ACSF2: variants seen among roughly 807,000 people sequenced by gnomAD.
The protein encoded by ACSF2 is medium-chain acyl-CoA ligase ACSF2, mitochondrial.
A neutral mutation model predicts 79.3 loss-of-function variants in ACSF2; 52 were observed. The ratio of observed to expected loss-of-function variants is 0.66; its 90% CI spans 0.53 to 0.83. The LOEUF (loss-of-function observed/expected upper bound fraction) is 0.83. ACSF2 is among the 40% of genes least tolerant of loss of function. ACSF2 has a pLI of 0.00. For synonymous variants in ACSF2, 283 were observed against 312.6 expected, an observed-to-expected ratio of 0.91 and a Z score of 1.00; for missense variants, 661 against 803.3, an observed-to-expected ratio of 0.82 and a Z score of 2.14.
At chr17:50,439,157 A>G (rs1159476377) in intron 1 of ACSF2, among the ~76,000 whole-genome samples, 1 of 149,896 alleles carries the variant, frequency 6.7e-6, no homozygotes, top group East Asian at 2.0e-4. Context: ...TGCAGCCTCA[A>G]CCTCCTGGGC....
chr17:50,461,951 T>TGTGTGTGTGTGTGTGTGTGCGC (rs112810352), intron 4 of ACSF2, among the ~76,000 whole-genome samples: 18 of 150,482 alleles, frequency 1.2e-4, no homozygotes, highest in African/African-American at 4.4e-4. Context: ...TGTGTGTGTG[T>TGTGTGTGTGTGTGTGTGTGCGC]GCGTGTGTCC....
intron 1 of ACSF2, among the ~76,000 whole-genome samples, chr17:50,429,250 A>T (rs1915301952): frequency 6.6e-6 from 1 of 152,186 alleles, no homozygotes; most frequent in Non-Finnish European, 1.5e-5. Context: ...TGTTGGGCTG[A>T]TGAATAAAAC....
intron 1 of ACSF2, among the ~76,000 whole-genome samples, chr17:50,429,626 T>G (rs947726314): frequency 5.3e-5 from 8 of 152,078 alleles, no homozygotes; most frequent in Non-Finnish European, 1.2e-4. Flanking sequence ...TTCAAGCAGT[T>G]CTCCTGCCTC....
rs926002954 is a variant in ACSF2, at chr17:50,474,373, G to T, written c.1797+106G>T. The T allele has an allele frequency of 5.9e-6, 9 of 1,521,070 alleles. No individual in the cohort carries two copies. The African/African-American group carries it at 1.2e-4, about 21-fold the overall frequency. 94.2% of individuals were successfully genotyped at this position (1,521,070 alleles called of 1,614,324 possible). The stretch of plus-strand genomic sequence containing the variant: ...TGGGTGTGGAGAGACTGGCAGTAGG[G>T]TGACCGGGTCACCTAATCCTGGTTT... On this transcript the variant is annotated intron_variant, in intron 15 of 15. Transcript: ENST00000300441. The surrounding 1 kb of genome is among the most constrained non-coding windows in gnomAD (Gnocchi z 4.2).
chr17:50,436,254 C>T (rs887668973), intron 1 of ACSF2, among the ~76,000 whole-genome samples: 4 of 151,976 alleles, frequency 2.6e-5, no homozygotes, highest in African/African-American at 7.2e-5. Context: ...CTCAGCCTCC[C>T]GAGTAGCTGG....
chr17:50,434,196 G>A (rs954224879), intron 1 of ACSF2, among the ~76,000 whole-genome samples: 1 of 151,858 alleles, frequency 6.6e-6, no homozygotes, highest in African/African-American at 2.4e-5. Context: ...GCATGTGCTT[G>A]TGGTTCCAGC....
At chr17:50,438,864 G>A (rs182557267) in intron 1 of ACSF2, among the ~76,000 whole-genome samples, 42 of 152,136 alleles carry the variant, frequency 2.8e-4, no homozygotes, top group African/African-American at 9.9e-4. Flanking sequence ...ACCATACCTG[G>A]CCCCAGTATT....
Position 50,471,514 on chromosome 17 carries a change from G to A in ACSF2, c.1323+379G>A. On this transcript the variant is annotated intron_variant, in intron 11 of 15. Coordinates refer to ENST00000300441, the MANE Select transcript of ACSF2 (RefSeq NM_025149.6). The surrounding 1 kb of genome is among the most constrained non-coding windows in gnomAD (Gnocchi z 4.1). ...CCAGTGGTGCTCGCCTCTCGCTTTA[G>A]CAGAGTTCTTCTTCTTGCTTGGCGT... 4.0e-6 allele frequency: 1 copy of A among 248,842 alleles called. No homozygotes were observed. The highest frequency in any genetic ancestry group is 8.1e-6 in the Non-Finnish European group (1 of 124,220). 15.4% of individuals were successfully genotyped at this position (248,842 alleles called of 1,614,324 possible).
chr17:50,473,671 C>T lies in ACSF2; in HGVS notation c.1482C>T (p.Val494=), dbSNP rs201632407. 21 of 1,614,146 alleles carry T rather than the reference C, an allele frequency of 1.3e-5. No individual in the cohort carries two copies. Among genetic ancestry groups the T allele is most frequent in the African/African-American group, 4.0e-5 (3 of 75,038 alleles). ...CCCTGGGCTTTCCTTACAGAGATGT[C>T]GCCACAATGAATGAGCAGGGCTTCT... ...DQDKWYWTGD[V]ATMNEQGFCK... Residue 494 remains valine (V), a synonymous_variant, in exon 13 of 16, where the codon GTC becomes GTT. Transcript: ENST00000300441.
At chr17:50,464,453 T>A in intron 10 of ACSF2, 159 bp downstream of exon 10, 1 of 747,410 alleles carries the variant, frequency 1.3e-6, no homozygotes, top group Non-Finnish European at 2.4e-6. Flanking sequence ...TCTGACCTCA[T>A]CAGCACCTGG....
chr17:50,455,067 C>T (rs1159775622), intron 1 of ACSF2, among the ~76,000 whole-genome samples: 2 of 152,210 alleles, frequency 1.3e-5, no homozygotes, highest in Non-Finnish European at 1.5e-5. Context: ...ACTGCAACCT[C>T]CGCCTCCCGG....
rs1414446135 is a variant in ACSF2, at chr17:50,471,045, A to G, written c.1233A>G (p.Thr411=). The part of the protein sequence containing the change: ...MKDLVVAYGT[T]ENSPVTFAHF... ...CCCTCTAGGTTGCTTATGGAACCAC[A>G]GAGAACAGTCCCGTGACATTCGCGC... The change falls in exon 11 of 16, where the codon ACA becomes ACG. Residue 411 remains threonine, a synonymous_variant. Coordinates refer to ENST00000300441, the MANE Select transcript of ACSF2 (RefSeq NM_025149.6). The surrounding 1 kb of genome is among the most constrained non-coding windows in gnomAD (Gnocchi z 4.1). The G allele has an allele frequency of 5.0e-6, 8 of 1,613,912 alleles. No individual in the cohort carries two copies. Among genetic ancestry groups the G allele is most frequent in the South Asian group, 1.1e-5 (1 of 91,070 alleles).
intron 10 of ACSF2, chr17:50,468,863 C>T (rs769492744): frequency 2.8e-6 from 4 of 1,446,488 alleles, no homozygotes; most frequent in South Asian, 2.9e-5. Context: ...CGGCGGGGCG[C>T]GGGCAGCGGC....
At chr17:50,446,602 C>A (rs1197652273) in intron 1 of ACSF2, among the ~76,000 whole-genome samples, 3 of 152,272 alleles carry the variant, frequency 2.0e-5, no homozygotes, top group Admixed American at 1.3e-4. Context: ...ACCCATGTAA[C>A]CAGCACTCAA....
At chr17:50,465,295 T>C (rs1211215800) in intron 10 of ACSF2, 1 of 1,613,826 alleles carries the variant, frequency 6.2e-7, no homozygotes, top group South Asian at 1.1e-5. Flanking sequence ...GGCCCCCACC[T>C]GTTTAATGGC....
rs375972772 is a variant in ACSF2, at chr17:50,471,174, TCACCCAGCTGGGGTG to T, written c.1323+52_1323+66del. 1.6e-4 allele frequency: 255 copies of T among 1,570,874 alleles called. 1 individual carries two copies. Among genetic ancestry groups the T allele is most frequent in the Middle Eastern group, 8.5e-4 (5 of 5,876 alleles). Reference sequence around the variant, plus strand: ...CAAGACTCCAAAGTCCCACCTCCCGTCACCCAGCTGGGGTGCACCCAGCTGGGACATCGGTTGCTT... The same window carrying T: ...CAAGACTCCAAAGTCCCACCTCCCGTCACCCAGCTGGGACATCGGTTGCTT... On this transcript the variant is annotated intron_variant, in intron 11 of 15. Transcript: ENST00000300441. The surrounding 1 kb of genome is among the most constrained non-coding windows in gnomAD (Gnocchi z 4.1).
chr17:50,470,867 C>T, intron 10 of ACSF2, 161 bp from the exon 11 acceptor site: 3 of 624,002 alleles, frequency 4.8e-6, no homozygotes, highest in Middle Eastern at 2.6e-4. Flanking sequence ...ACCTCTGCCT[C>T]CTGACCCCAG....
chr17:50,448,649 A>C (rs2031452783), intron 1 of ACSF2, among the ~76,000 whole-genome samples: 1 of 152,218 alleles, frequency 6.6e-6, no homozygotes, highest in Admixed American at 6.5e-5. Context: ...TTAAAGGTAA[A>C]ATGAGGGTTA....
At chr17:50,451,862 G>C (rs1294718274) in intron 1 of ACSF2, among the ~76,000 whole-genome samples, 1 of 152,124 alleles carries the variant, frequency 6.6e-6, no homozygotes, top group African/African-American at 2.4e-5. Context: ...CCTTCAGCAA[G>C]ATGTCTACTA....
Sources: gnomAD v4.1 joint callset for allele counts (sites outside exome capture counted in the v4.1 genomes callset) on GRCh38, gnomAD v4.1.1 for gene constraint, Gnocchi (gnomAD v3.1) non-coding constraint, MANE v1.5 for transcripts, NCBI Gene and HGNC (gene_info 2026-07-23, HGNC 2026-07-21) for gene names.